Variants in FAM13B observed in about 807,000 individuals in gnomAD.
The protein encoded by FAM13B is protein FAM13B.
Under a neutral mutation model 117.3 loss-of-function variants are expected in FAM13B, and 60 were observed. The ratio of observed to expected loss-of-function variants is 0.51; its 90% CI spans 0.42 to 0.63. FAM13B has a LOEUF of 0.63. Among genes scored for constraint, FAM13B ranks in the 30% least tolerant of loss-of-function variants. FAM13B has a pLI of 0.00. For missense variants in FAM13B, 972 were observed against 1,091.9 expected (o/e 0.89, Z 1.55); for synonymous variants, 332 against 356.1 (o/e 0.93, Z 0.76).
chr5:137,952,520 A>ACAGTG (rs1765318780), intron 17 of FAM13B, 108 bp downstream of exon 17: 1 of 724,948 alleles, frequency 1.4e-6, no homozygotes, highest in Middle Eastern at 4.0e-4. Context: ...TTTTTGTCAA[A>ACAGTG]CAGTGCCCAA....
In FAM13B at chr5:137,993,060, T is replaced by A. The variant is rs191199153; in HGVS notation, c.849-4745A>T. Among the ~76,000 whole-genome samples the A allele has an allele frequency of 5.9e-5, 9 of 152,270 alleles. No individual in the cohort carries two copies. In the East Asian group the frequency reaches 1.5e-3, roughly 26 times the overall value. The stretch of plus-strand genomic sequence containing the variant: ...ATGGATAAATCTCAAACTTACACAG[T>A]GAAAAAAATCACCGTTCAGTGAAAG... On this transcript the variant is annotated intron_variant, in intron 7 of 23. Coordinates refer to ENST00000689681, the MANE Select transcript of FAM13B (RefSeq NM_001385994.1).
chr5:137,996,667 C>G (rs192584076), intron 7 of FAM13B, among the ~76,000 whole-genome samples: 6 of 152,258 alleles, frequency 3.9e-5, no homozygotes, highest in African/African-American at 1.4e-4. Flanking sequence ...TCTCAGCTCA[C>G]TGAAACCTCC....
At chr5:137,951,183 G>C (rs1339300627) in intron 17 of FAM13B, among the ~76,000 whole-genome samples, 1 of 105,070 alleles carries the variant, frequency 9.5e-6, no homozygotes, top group Non-Finnish European at 1.8e-5. Flanking sequence ...GCACTCCAGG[G>C]CAACAGAGTA....
At chr5:138,008,277 C>G (rs1006597610) in intron 6 of FAM13B, among the ~76,000 whole-genome samples, 1 of 151,888 alleles carries the variant, frequency 6.6e-6, no homozygotes, top group African/African-American at 2.4e-5. Context: ...CTTGTCTCTA[C>G]AAAAAAATAC....
At chr5:137,983,458 T>C (rs897128005) in intron 10 of FAM13B, among the ~76,000 whole-genome samples, 1 of 152,056 alleles carries the variant, frequency 6.6e-6, no homozygotes, top group South Asian at 2.1e-4. Context: ...CAATTCTATT[T>C]ATAAAGGGAA....
intron 14 of FAM13B, among the ~76,000 whole-genome samples, chr5:137,956,217 C>A (rs1032585945): frequency 1.9e-4 from 29 of 152,314 alleles, no homozygotes; most frequent in African/African-American, 6.3e-4. Flanking sequence ...TGCAATCCCA[C>A]AATAAACCCA....
chr5:138,045,110 T>C (rs1791604999), intron 1 of FAM13B, among the ~76,000 whole-genome samples: 1 of 152,198 alleles, frequency 6.6e-6, no homozygotes. Flanking sequence ...TGGAGATCTG[T>C]GTGCACAAAG....
upstream of FAM13B, among the ~76,000 whole-genome samples, chr5:138,033,352 A>G (rs1446964089): frequency 1.3e-5 from 2 of 152,210 alleles, no homozygotes; most frequent in Non-Finnish European, 2.9e-5. Context: ...GATAAAGGGA[A>G]AATCCGGAAC....
intron 6 of FAM13B, among the ~76,000 whole-genome samples, chr5:138,009,069 G>A (rs1000023307): frequency 3.3e-5 from 5 of 152,336 alleles, no homozygotes; most frequent in South Asian, 2.1e-4. Context: ...GAACCCAGGA[G>A]GCAGAGGTTG....
At chr5:138,020,407 T>C (rs1271903754) in intron 2 of FAM13B, among the ~76,000 whole-genome samples, 1 of 152,202 alleles carries the variant, frequency 6.6e-6, no homozygotes, top group East Asian at 1.9e-4. Flanking sequence ...TTCAGAGCCA[T>C]CTAGTTCAGA....
intron 10 of FAM13B, among the ~76,000 whole-genome samples, chr5:137,966,890 T>C (rs971623383): frequency 6.6e-6 from 1 of 152,116 alleles, no homozygotes; most frequent in African/African-American, 2.4e-5. Flanking sequence ...AAAGGATATA[T>C]TATACAAAAA....
Position 137,946,220 on chromosome 5 carries a change from G to C in FAM13B, c.2244+8C>G, listed in dbSNP as rs773858172. On this transcript the variant is annotated splice_region_variant and intron_variant, in intron 19 of 23. Coordinates refer to ENST00000689681, the MANE Select transcript of FAM13B (RefSeq NM_001385994.1). ...AAAATCAAATCTTTTTAGCAAGAGA[G>C]ATATTACCGGCCTTCCATGTTGACT... The C allele has an allele frequency of 1.9e-5, 30 of 1,572,912 alleles. No individual in the cohort carries two copies. Among genetic ancestry groups the C allele is most frequent in the Non-Finnish European group, 5.2e-6 (6 of 1,162,260 alleles).
chr5:137,948,309 G>A (rs1234669049), intron 18 of FAM13B, among the ~76,000 whole-genome samples: 1 of 152,114 alleles, frequency 6.6e-6, no homozygotes, highest in Admixed American at 6.5e-5. Flanking sequence ...AATATAACCA[G>A]CCAACGTGGG....
At chr5:137,949,349 T>C (rs571234580) in intron 17 of FAM13B, among the ~76,000 whole-genome samples, 165 bp from the exon 18 acceptor site, 1 of 152,274 alleles carries the variant, frequency 6.6e-6, no homozygotes, top group South Asian at 2.1e-4. Context: ...GCAAGACAGC[T>C]ATTCTAGGCT....
At chr5:138,032,644 A>T in intron 1 of FAM13B, 138 bp downstream of exon 1, 1 of 825,250 alleles carries the variant, frequency 1.2e-6, no homozygotes, top group Non-Finnish European at 1.5e-6. Context: ...CACCTGCTAG[A>T]GTCCTCCACA....
At position 138,018,491 on chromosome 5, in the gene FAM13B, A is replaced by C; in HGVS notation, c.181T>G (p.Phe61Val). The C allele has an allele frequency of 6.2e-7, 1 of 1,614,118 alleles. No individual in the cohort carries two copies. ...EHGGLEQQGL[F>V]QVNGNAETVE... ...GTCTCAGCATTTCCATTGACTTGAA[A>C]AAGTCCTTGTTGCTCCAGACCTCCT... is the stretch of plus-strand genomic sequence containing the variant. Residue 61 changes from phenylalanine (F) to valine (V), a missense_variant, in exon 4 of 24, where the codon TTT becomes GTT. Phe to Val is a conservative substitution (Grantham distance 50). Coordinates refer to ENST00000689681, the MANE Select transcript of FAM13B (RefSeq NM_001385994.1).
Position 137,985,272 on chromosome 5 carries a change from A to T in FAM13B, c.1164T>A (p.Asn388Lys). ...EAMQQDCVFE[N>K]EENTQSVGIL... ...CATTCCTTACCTGGGTATTTTCTTC[A>T]TTCTCAAATACACAATCTTGCTGCA... Residue 388 changes from asparagine (N) to lysine (K), a missense_variant, in exon 10 of 24, where the codon AAT (asparagine) becomes AAA (lysine). By Grantham distance (94) the Asn-to-Lys change is moderately conservative. Transcript: ENST00000689681. 1 of 1,613,052 alleles carries T rather than the reference A, an allele frequency of 6.2e-7. No homozygotes were observed. The highest frequency in any genetic ancestry group is 8.5e-7 in the Non-Finnish European group (1 of 1,179,704).
chr5:137,979,340 T>C (rs1216911369), intron 10 of FAM13B, among the ~76,000 whole-genome samples: 1 of 152,104 alleles, frequency 6.6e-6, no homozygotes, highest in Non-Finnish European at 1.5e-5. Context: ...GCTCGCCAAA[T>C]ACAGTGCAAA....
intron 17 of FAM13B, among the ~76,000 whole-genome samples, chr5:137,951,742 T>A (rs1345875315): frequency 6.6e-6 from 1 of 152,124 alleles, no homozygotes; most frequent in Non-Finnish European, 1.5e-5. Flanking sequence ...TTTGGGAGGC[T>A]GAGGCAGGGG....
Sources: gnomAD v4.1 joint callset for allele counts (sites outside exome capture counted in the v4.1 genomes callset) on GRCh38, gnomAD v4.1.1 for gene constraint, MANE v1.5 for transcripts, NCBI Gene and HGNC (gene_info 2026-07-23, HGNC 2026-07-21) for gene names.